The following TMEM181 variants were observed in gnomAD, a reference collection of about 807,000 sequenced individuals.
TMEM181 encodes the protein transmembrane protein 181, also known as G protein-coupled receptor 178.
TMEM181 carries 39 observed loss-of-function variants against 71.9 expected under a neutral mutation model. The ratio of observed to expected loss-of-function variants is 0.54; its 90% confidence interval spans 0.42 to 0.71. The LOEUF (loss-of-function observed/expected upper bound fraction) is 0.71, where lower values mean the gene tolerates loss of function less well. Ranked by LOEUF, TMEM181 falls within the 30% of genes least tolerant of loss-of-function variation. The pLI, the probability that TMEM181 is intolerant of heterozygous loss-of-function variation, is 0.00. For missense variants in TMEM181, 595 were observed against 583.0 expected (o/e 1.02, Z -0.21); for synonymous variants, 245 against 228.8 (o/e 1.07, Z -0.64).
chr6:158,605,334 C>T lies in TMEM181; in HGVS notation c.560C>T (p.Thr187Ile). The change falls in exon 7 of 17, where the codon ACC becomes ATC. Residue 187 changes from threonine (T) to isoleucine (I), a missense_variant. Transcript: ENST00000684151. ...IWFRFFFVVLTFIVTCLFAHS... is the reference protein window; with the variant it reads ...IWFRFFFVVLIFIVTCLFAHS... ...TTCCGGTTTTTCTTTGTGGTGCTCA[C>T]CTTCATCGTCACTGTGAGTACCATT... 6.2e-7 allele frequency: 1 copy of T among 1,613,962 alleles called. No homozygotes were observed. The highest frequency in any genetic ancestry group is 1.3e-5 in the African/African-American group (1 of 75,002).
At chr6:158,622,173 A>G (rs1417787701) in intron 10 of TMEM181, among the ~76,000 whole-genome samples, 3 of 152,250 alleles carry the variant, frequency 2.0e-5, no homozygotes, top group Admixed American at 1.3e-4. Flanking sequence ...TTCTCTATAC[A>G]TACATACCTA....
At chr6:158,614,211 A>G (rs1179998648) in intron 10 of TMEM181, among the ~76,000 whole-genome samples, 1 of 152,212 alleles carries the variant, frequency 6.6e-6, no homozygotes, top group Non-Finnish European at 1.5e-5. Context: ...GTTAGGAAAG[A>G]CAACCTTGAG....
chr6:158,548,441 TC>T (rs1781609186), intron 1 of TMEM181, among the ~76,000 whole-genome samples: 1 of 152,176 alleles, frequency 6.6e-6, no homozygotes, highest in Non-Finnish European at 1.5e-5. Context: ...TGGCCAACGA[TC>T]CTGGTTTGTC....
intron 11 of TMEM181, among the ~76,000 whole-genome samples, chr6:158,623,904 G>A (rs1026075146): frequency 2.0e-5 from 3 of 152,162 alleles, no homozygotes; most frequent in African/African-American, 7.2e-5. Flanking sequence ...GGGACGATAG[G>A]CGTGCGCCAC....
At chr6:158,598,477 G>A (rs1318934273) in intron 6 of TMEM181, among the ~76,000 whole-genome samples, 1 of 152,048 alleles carries the variant, frequency 6.6e-6, no homozygotes, top group Non-Finnish European at 1.5e-5. Context: ...TGAGAGGAGT[G>A]CGCCTGGCCA....
intron 1 of TMEM181, among the ~76,000 whole-genome samples, chr6:158,541,848 T>G (rs1344210525): frequency 6.6e-6 from 1 of 152,100 alleles, no homozygotes; most frequent in Non-Finnish European, 1.5e-5. Context: ...TTTGTTTCTT[T>G]TTTTGGTGGG....
chr6:158,568,747 G>A (rs1782650142), intron 1 of TMEM181, among the ~76,000 whole-genome samples: 1 of 152,154 alleles, frequency 6.6e-6, no homozygotes, highest in South Asian at 2.1e-4. Flanking sequence ...CAGAACAGGA[G>A]CCGTGTTCTG....
intron 1 of TMEM181, among the ~76,000 whole-genome samples, chr6:158,560,773 G>A (rs917652855): frequency 7.2e-5 from 11 of 151,964 alleles, no homozygotes; most frequent in Admixed American, 7.2e-4. Context: ...GGGGTGTCGA[G>A]TTATATGAGT....
upstream of TMEM181, among the ~76,000 whole-genome samples, chr6:158,559,118 C>G (rs371623673): frequency 5.3e-5 from 8 of 151,816 alleles, no homozygotes; most frequent in East Asian, 3.9e-4. Flanking sequence ...CTTTTAACCC[C>G]CCTCTTCCTA....
chr6:158,560,163 G>A lies in TMEM181; in HGVS notation c.-62G>A, dbSNP rs1333201811. ...GGCTGCGGCTGCCGCTGCCGAGGCT[G>A]CTGCGCGGCGCCTGGCGGGCTCGGG... On this transcript the variant is annotated 5_prime_UTR_variant, in exon 1 of 17. Transcript: ENST00000684151. 3.0e-6 allele frequency: 3 copies of A among 984,822 alleles called. No homozygotes were observed. Among genetic ancestry groups the A allele is most frequent in the Admixed American group, 6.2e-5 (1 of 16,206 alleles). 61.0% of individuals were successfully genotyped at this position (984,822 alleles called of 1,614,324 possible).
rs764428555 is a variant in TMEM181 at position 158,608,300 on chromosome 6, T to G, written c.674-33T>G. Reference sequence around the variant, plus strand: ...GTCTGCCAGGTGCTGGCGGGCCTGTTTTCCACATGGATTTCTGCCCTTTGT... The same window carrying G: ...GTCTGCCAGGTGCTGGCGGGCCTGTGTTCCACATGGATTTCTGCCCTTTGT... On this transcript the variant is annotated intron_variant, in intron 8 of 16. Coordinates refer to ENST00000684151, the MANE Select transcript of TMEM181 (RefSeq NM_001376852.1). The G allele has an allele frequency of 8.7e-6, 14 of 1,613,562 alleles. No individual in the cohort carries two copies. The South Asian group carries it at 1.5e-4, about 18-fold the overall frequency.
intron 3 of TMEM181, among the ~76,000 whole-genome samples, chr6:158,581,277 C>T (rs939814181): frequency 1.3e-5 from 2 of 152,194 alleles, no homozygotes; most frequent in African/African-American, 4.8e-5. Flanking sequence ...CATCCTGATT[C>T]CTTGCCTCTG....
intron 6 of TMEM181, among the ~76,000 whole-genome samples, chr6:158,600,705 A>G (rs1194754961): frequency 6.6e-6 from 1 of 152,118 alleles, no homozygotes; most frequent in Non-Finnish European, 1.5e-5. Flanking sequence ...TCCTGACCTC[A>G]GGTGATCTGC....
rs1786691203 is a variant in TMEM181 at position 158,631,932 on chromosome 6, C to A, written c.*44C>A. 2.0e-6 allele frequency: 3 copies of A among 1,517,680 alleles called. No individual in the cohort carries two copies. The highest frequency in any genetic ancestry group is 3.9e-5 in the Admixed American group (2 of 51,166). 94.0% of individuals were successfully genotyped at this position (1,517,680 alleles called of 1,614,324 possible). A position where few individuals can be genotyped will look rare whatever the true frequency, so the allele number is the denominator to read the frequency against. On this transcript the variant is annotated 3_prime_UTR_variant, in exon 17 of 17. Transcript: ENST00000684151. ...AGGCGACAAGATGCCTGGATGCTTTCCCCGGTGACCGTCTGCTGACCTTCC... is the reference window on the plus strand; with the variant it reads ...AGGCGACAAGATGCCTGGATGCTTTACCCGGTGACCGTCTGCTGACCTTCC...
At chr6:158,619,546 C>G (rs930141200) in intron 10 of TMEM181, among the ~76,000 whole-genome samples, 1 of 151,954 alleles carries the variant, frequency 6.6e-6, no homozygotes, top group African/African-American at 2.4e-5. Context: ...AAGGAGAGAC[C>G]TAGGGAGGGT....
intron 1 of TMEM181, among the ~76,000 whole-genome samples, chr6:158,570,622 C>G (rs1201832920): frequency 6.6e-6 from 1 of 152,144 alleles, no homozygotes; most frequent in Non-Finnish European, 1.5e-5. Context: ...GCCCTGCCCT[C>G]TGCACCCACA....
intron 1 of TMEM181, among the ~76,000 whole-genome samples, chr6:158,570,506 G>T (rs1782744775): frequency 6.6e-6 from 1 of 151,962 alleles, no homozygotes; most frequent in African/African-American, 2.4e-5. Context: ...CTCCCAAAGT[G>T]CTGGGATTAC....
chr6:158,608,061 T>C (rs938915603), intron 8 of TMEM181, among the ~76,000 whole-genome samples: 3 of 152,244 alleles, frequency 2.0e-5, no homozygotes, highest in African/African-American at 4.8e-5. Flanking sequence ...TTTAGGTGTT[T>C]TGGAAAACAA....
At chr6:158,577,418 A>G (rs1783225673) in intron 2 of TMEM181, among the ~76,000 whole-genome samples, 1 of 152,194 alleles carries the variant, frequency 6.6e-6, no homozygotes, top group Admixed American at 6.5e-5. Context: ...GAACAGAAAA[A>G]CAGAAGAAAA....
Sources: gnomAD v4.1 joint callset for allele counts (sites outside exome capture counted in the v4.1 genomes callset) on GRCh38, gnomAD v4.1.1 for gene constraint, MANE v1.5 for transcripts, NCBI Gene and HGNC (gene_info 2026-07-23, HGNC 2026-07-21) for gene names.